Variants in ATP11A observed in about 807,000 individuals in gnomAD.
ATP11A encodes the protein phospholipid-transporting ATPase IH.
A neutral mutation model predicts 154.4 loss-of-function variants in ATP11A; 81 were observed. That is an observed-to-expected ratio of 0.52 (90% CI 0.44 to 0.63). ATP11A has a LOEUF of 0.63. ATP11A is among the 30% of genes least tolerant of loss of function. The pLI is 0.00. For missense variants in ATP11A, 1,316 were observed against 1,474.3 expected (o/e 0.89, Z 1.76); for synonymous variants, 623 against 585.9 (o/e 1.06, Z -0.91).
chr13:112,821,218 T>G (rs1004568597), intron 8 of ATP11A, among the ~76,000 whole-genome samples: 1 of 152,252 alleles, frequency 6.6e-6, no homozygotes, highest in Non-Finnish European at 1.5e-5. Context: ...TTCATCTTTA[T>G]AGTTAGACCA....
intron 18 of ATP11A, among the ~76,000 whole-genome samples, chr13:112,853,271 CAT>C (rs1295896800): frequency 2.0e-5 from 3 of 151,430 alleles, no homozygotes; most frequent in African/African-American, 7.3e-5. Flanking sequence ...TGCACACACA[CAT>C]ATGTACATAC....
intron 1 of ATP11A, among the ~76,000 whole-genome samples, chr13:112,732,786 AT>A (rs1261203341): frequency 6.6e-6 from 1 of 151,664 alleles, no homozygotes; most frequent in Non-Finnish European, 1.5e-5. Flanking sequence ...TAGTTTTTAT[AT>A]TTTTTTGTCG....
Position 112,878,225 on chromosome 13 carries a change from C to G in ATP11A, c.3336C>G (p.Ser1112Arg), listed in dbSNP as rs1161479916. 6.2e-7 allele frequency: 1 copy of G among 1,614,110 alleles called. No homozygotes were observed. The highest frequency in any genetic ancestry group is 1.3e-5 in the African/African-American group (1 of 74,962). ...PTATERVQTK[S>R]QCLSVEQSTI... ...CTGACCTCGGGACTAAGACTAAGAG[C>G]CAGTGCCTTTCTGTCGAGCAGTCAA... Residue 1112 changes from serine (S) to arginine (R), a missense_variant, in exon 29 of 30, where the codon AGC (serine) becomes AGG (arginine). Coordinates refer to ENST00000375645, the MANE Select transcript of ATP11A (RefSeq NM_015205.3).
chr13:112,770,268 G>A (rs557104532), intron 1 of ATP11A, among the ~76,000 whole-genome samples: 15 of 152,302 alleles, frequency 9.8e-5, no homozygotes, highest in Admixed American at 2.0e-4. Context: ...TTCCCAGGTC[G>A]ACTGTGTTTC....
At chr13:112,764,040 G>A (rs998509768) in intron 1 of ATP11A, among the ~76,000 whole-genome samples, 13 of 152,182 alleles carry the variant, frequency 8.5e-5, no homozygotes, top group African/African-American at 3.1e-4. Flanking sequence ...TGATATAAAC[G>A]TAAGTTGTGG....
At chr13:112,816,598 C>G (rs922182715) in intron 6 of ATP11A, among the ~76,000 whole-genome samples, 2 of 152,138 alleles carry the variant, frequency 1.3e-5, no homozygotes, top group African/African-American at 4.8e-5. Flanking sequence ...CCAGCACGCT[C>G]TTGTCCACTC....
intron 16 of ATP11A, among the ~76,000 whole-genome samples, chr13:112,839,555 G>A (rs1173081989): frequency 6.6e-6 from 1 of 152,166 alleles, no homozygotes; most frequent in Non-Finnish European, 1.5e-5. Flanking sequence ...GGTCCCAGAG[G>A]GGACAGCCAC....
At chr13:112,787,415 C>G (rs1332114290) in intron 2 of ATP11A, among the ~76,000 whole-genome samples, 1 of 128,068 alleles carries the variant, frequency 7.8e-6, no homozygotes, top group Admixed American at 7.4e-5. Context: ...ATGTGTAGAC[C>G]CCTGTGGAGA....
rs368364177 is a variant in ATP11A, at chr13:112,712,753, A to G, written c.39+22298A>G. Among the ~76,000 whole-genome samples, 1,351 of 152,126 alleles carry G rather than the reference A, an allele frequency of 8.9e-3. 14 individuals are homozygous for G. Among genetic ancestry groups the G allele is most frequent in the Non-Finnish European group, 0.015 (1,017 of 67,970 alleles). ...GAGGGCCAGTTCCAGCCAGGGTGCC[A>G]CCTCTGCCTTTTCTTATGTCCACTG... On this transcript the variant is annotated intron_variant, in intron 1 of 29. Transcript: ENST00000375645.
chr13:112,825,523 C>G lies in ATP11A; in HGVS notation c.966C>G (p.Pro322=), dbSNP rs745345146. The G allele has an allele frequency of 1.9e-6, 3 of 1,613,814 alleles. No individual in the cohort carries two copies. In the Admixed American group the frequency reaches 5.0e-5, roughly 27 times the overall value. The change falls in exon 11 of 30, where the codon CCC becomes CCG. Residue 322 remains proline (P), a synonymous_variant. Transcript: ENST00000375645. ...TVLKYMWQSE[P]FRDEPWYNQK... is the part of the protein sequence containing the mutation. ...TGAAATACATGTGGCAGAGTGAGCC[C>G]TTTCGGGATGAGCCGTGGTATAATC...
chr13:112,869,526 C>G (rs2080445471), intron 25 of ATP11A, among the ~76,000 whole-genome samples: 1 of 152,232 alleles, frequency 6.6e-6, no homozygotes, highest in African/African-American at 2.4e-5. Context: ...ACACACACTG[C>G]TTCACAGGGC....
rs1043806738 is a variant in ATP11A at position 112,883,813 on chromosome 13, TG to T, written c.*1949del. ...CTGCCCACGCTGCCCCCGCAAACAA[TG>T]GTGTGTGCGTTTTTACAGCCCTTTT... is the stretch of plus-strand genomic sequence containing the variant. On this transcript the variant is annotated 3_prime_UTR_variant, in exon 30 of 30. Transcript: ENST00000375645. 3.3e-5 allele frequency: 5 copies of T among 152,530 alleles called. No individual in the cohort carries two copies. Among genetic ancestry groups the T allele is most frequent in the African/African-American group, 1.2e-4 (5 of 41,454 alleles). 9.4% of individuals were successfully genotyped at this position (152,530 alleles called of 1,614,324 possible).
chr13:112,720,749 G>C (rs1425556346), intron 1 of ATP11A, among the ~76,000 whole-genome samples: 3 of 152,018 alleles, frequency 2.0e-5, no homozygotes. Context: ...GTAGAGATGG[G>C]GTTTCACCGT....
chr13:112,808,106 G>A (rs903122006), intron 4 of ATP11A, among the ~76,000 whole-genome samples: 10 of 152,086 alleles, frequency 6.6e-5, no homozygotes, highest in East Asian at 1.9e-4. Context: ...GGGAGCCCGA[G>A]CCCCCATGGA....
chr13:112,782,111 G>A (rs921696082), intron 1 of ATP11A, among the ~76,000 whole-genome samples: 3 of 152,260 alleles, frequency 2.0e-5, no homozygotes, highest in Non-Finnish European at 4.4e-5. Flanking sequence ...TACACTGTTG[G>A]GCTGTATCTG....
intron 1 of ATP11A, among the ~76,000 whole-genome samples, chr13:112,728,940 C>T (rs1047809351): frequency 1.3e-5 from 2 of 152,156 alleles, no homozygotes; most frequent in Non-Finnish European, 1.5e-5. Flanking sequence ...CAAACTCCAC[C>T]GTGGCCCTGG....
chr13:112,806,159 G>A (rs916278507), intron 3 of ATP11A, 54 bp from the exon 4 acceptor site: 4 of 1,421,522 alleles, frequency 2.8e-6, no homozygotes, highest in South Asian at 1.2e-5. Context: ...TAACCTGCCT[G>A]AAGTCACTCA....
At chr13:112,742,727 G>A (rs1891691821) in intron 1 of ATP11A, among the ~76,000 whole-genome samples, 1 of 152,160 alleles carries the variant, frequency 6.6e-6, no homozygotes, top group Non-Finnish European at 1.5e-5. Context: ...TTCGCCCTGT[G>A]CCTCCCCGCA....
intron 24 of ATP11A, among the ~76,000 whole-genome samples, chr13:112,861,170 C>A (rs968545045): frequency 3.9e-5 from 6 of 152,248 alleles, no homozygotes; most frequent in African/African-American, 1.2e-4. Context: ...ATTACGAGAA[C>A]AACATGGGAA....
Sources: gnomAD v4.1 joint callset for allele counts (sites outside exome capture counted in the v4.1 genomes callset) on GRCh38, gnomAD v4.1.1 for gene constraint, MANE v1.5 for transcripts, NCBI Gene and HGNC (gene_info 2026-07-23, HGNC 2026-07-21) for gene names.